The following BCL9L variants were observed in gnomAD, a reference collection of about 807,000 sequenced individuals.
BCL9L encodes B-cell CLL/lymphoma 9-like protein.
Under a neutral mutation model 99.4 loss-of-function variants are expected in BCL9L, and 19 were observed. The observed-to-expected ratio is 0.19, with a 90% CI of 0.13 to 0.28. BCL9L has a LOEUF of 0.28. Ranked by LOEUF, BCL9L falls within the 10% of genes least tolerant of loss-of-function variation. BCL9L has a pLI of 1.00. For missense variants in BCL9L, 2,023 were observed against 2,101.6 expected, an observed-to-expected ratio of 0.96 and a Z score of 0.73; for synonymous variants, 900 against 854.8, an observed-to-expected ratio of 1.05 and a Z score of -0.92.
In BCL9L at chr11:118,903,038, G is replaced by C; in HGVS notation, c.786C>G (p.Ser262=). ...CGTTCTGCTGGTGGTAGGCGAGGAT[G>C]GAGTCGGCCCGGCCCTGCAGCACTG... ...AEAVLQGRAD[S]ILAYHQQNVP... is the part of the protein sequence containing the mutation. The change falls in exon 7 of 10, where the codon TCC becomes TCG. Residue 262 remains serine (S), a synonymous_variant. Coordinates refer to ENST00000683865, the MANE Select transcript of BCL9L (RefSeq NM_001378213.1). The surrounding 1 kb of genome is among the most constrained non-coding windows in gnomAD (Gnocchi z 5.6). The C allele has an allele frequency of 6.3e-7, 1 of 1,592,872 alleles. No homozygotes were observed. Among genetic ancestry groups the C allele is most frequent in the Non-Finnish European group, 8.5e-7 (1 of 1,173,848 alleles).
rs749957297 is a variant in BCL9L at position 118,899,080 on chromosome 11, G to A, written c.3835C>T (p.His1279Tyr). The A allele has an allele frequency of 1.9e-6, 3 of 1,605,130 alleles. 1 individual carries two copies. In the South Asian group the frequency reaches 3.3e-5, roughly 18 times the overall value. Residue 1279 changes from histidine (H) to tyrosine (Y), a missense_variant, in exon 10 of 10, where the codon CAC becomes TAC. Transcript: ENST00000683865. ...QPPGPMPPQQ[H>Y]LMGKAMAGRM... The stretch of plus-strand genomic sequence containing the variant: ...CCAGCCATGGCTTTGCCCATCAGGT[G>A]CTGCTGGGGAGGCATGGGGCCTGGC...
In BCL9L at chr11:118,897,846, G is replaced by A. The variant is rs557536380; in HGVS notation, c.*569C>T. The A allele has an allele frequency of 2.6e-5, 12 of 456,704 alleles. No individual in the cohort carries two copies. Among genetic ancestry groups the A allele is most frequent in the East Asian group, 6.9e-5 (1 of 14,402 alleles). 28.3% of individuals were successfully genotyped at this position (456,704 alleles called of 1,614,324 possible). A position where few individuals can be genotyped will look rare whatever the true frequency, so the allele number is the denominator to read the frequency against. ...AGCGCAGCGCTCTATTTACAGCTCC[G>A]GCTGGCACCTGCCCACCTGGCCAGC... On this transcript the variant is annotated 3_prime_UTR_variant, in exon 10 of 10. Transcript: ENST00000683865.
chr11:118,900,279 G>C lies in BCL9L; in HGVS notation c.3125-81C>G. ...TTGGCTGTGGATATGGGGAGGTTTA[G>C]GAAGCGGTCAGTTCCCCAAATCACC... is the stretch of plus-strand genomic sequence containing the variant. On this transcript the variant is annotated intron_variant, in intron 8 of 9. Coordinates refer to ENST00000683865, the MANE Select transcript of BCL9L (RefSeq NM_001378213.1). This position sits in a 1 kb window ranked among gnomAD's most constrained non-coding sequence, Gnocchi z 5.3. The C allele has an allele frequency of 7.1e-7, 1 of 1,409,014 alleles. No individual in the cohort carries two copies. The highest frequency in any genetic ancestry group is 9.4e-7 in the Non-Finnish European group (1 of 1,059,124). The allele number at this position is 1,409,014 out of a possible 1,614,324, so 87.3% of individuals were successfully genotyped here.
rs199751912 is a variant in BCL9L, at chr11:118,900,666, G to A, written c.3077C>T (p.Pro1026Leu). The A allele has an allele frequency of 3.9e-5, 63 of 1,613,062 alleles. No homozygotes were observed. The highest frequency in any genetic ancestry group is 2.5e-4 in the East Asian group (11 of 44,822). Residue 1026 changes from proline (P) to leucine (L), a missense_variant, in exon 8 of 10, where the codon CCG (proline) becomes CTG (leucine). Transcript: ENST00000683865. The surrounding 1 kb of genome is among the most constrained non-coding windows in gnomAD (Gnocchi z 5.3). ...PSPGVSQNKQPPLNMNSSTTL... is the reference protein window; with the variant it reads ...PSPGVSQNKQLPLNMNSSTTL... The stretch of plus-strand genomic sequence containing the variant: ...GGTGGAAGAGTTCATGTTGAGAGGC[G>A]GCTGCTTGTTCTGGGAGACCCCCGG...
At chr11:118,908,200 G>C in intron 4 of BCL9L, 70 bp downstream of exon 4, 1 of 1,500,150 alleles carries the variant, frequency 6.7e-7, no homozygotes, top group Non-Finnish European at 8.9e-7. Context: ...GCAGAGAGGT[G>C]ATCTCCCAGA....
rs1940889578 is a variant in BCL9L, at chr11:118,914,015, G to A, written c.-76-4000C>T. On this transcript the variant is annotated intron_variant, in intron 2 of 9. Coordinates refer to ENST00000683865, the MANE Select transcript of BCL9L (RefSeq NM_001378213.1). The surrounding 1 kb of genome is among the most constrained non-coding windows in gnomAD (Gnocchi z 4.4). ...TCTGGTCTCTGCCCGCCGCCCCACT[G>A]GTACTTCCTGTCCCCTGGCACCTGC... is the stretch of plus-strand genomic sequence containing the variant. Among the ~76,000 whole-genome samples the A allele has an allele frequency of 1.3e-5, 2 of 152,144 alleles. No individual in the cohort carries two copies. Among genetic ancestry groups the A allele is most frequent in the South Asian group, 2.1e-4 (1 of 4,832 alleles).
chr11:118,907,947 C>A (rs1032789654), intron 4 of BCL9L, among the ~76,000 whole-genome samples: 2 of 152,188 alleles, frequency 1.3e-5, no homozygotes, highest in Non-Finnish European at 2.9e-5. Flanking sequence ...GATACGGAGG[C>A]TCCTGGAAGT....
Position 118,908,295 on chromosome 11 carries a change from G to A in BCL9L, c.387C>T (p.Thr129=), listed in dbSNP as rs750121074. The change falls in exon 4 of 10, where the codon ACC becomes ACT. Residue 129 remains threonine (T), a synonymous_variant. Coordinates refer to ENST00000683865, the MANE Select transcript of BCL9L (RefSeq NM_001378213.1). The part of the protein sequence containing the change: ...VDSGEQREAG[T]PSLDSEAKEV... ...CTTTGGCCTCTGAATCCAGGGATGG[G>A]GTCCCAGCCTCTCGCTGCTCTCCAG... The A allele has an allele frequency of 1.9e-6, 3 of 1,563,218 alleles. No individual in the cohort carries two copies. Among genetic ancestry groups the A allele is most frequent in the Non-Finnish European group, 8.7e-7 (1 of 1,152,684 alleles).
chr11:118,913,527 A>G (rs1262763269), intron 2 of BCL9L, among the ~76,000 whole-genome samples: 2 of 152,150 alleles, frequency 1.3e-5, no homozygotes, highest in Admixed American at 6.5e-5. Context: ...CCCCAAAGAC[A>G]GCTACCCAAT....
chr11:118,905,128 C>G (rs1310498753), intron 5 of BCL9L, among the ~76,000 whole-genome samples: 1 of 152,132 alleles, frequency 6.6e-6, no homozygotes, highest in Non-Finnish European at 1.5e-5. Flanking sequence ...CAGAAATAAC[C>G]TGGGTTGCAA....
rs1330310155 is a variant in BCL9L at position 118,921,083 on chromosome 11, A to G, written c.-130-2204T>C. Among the ~76,000 whole-genome samples, 1 of 152,198 alleles carries G rather than the reference A, an allele frequency of 6.6e-6. No individual in the cohort carries two copies. The highest frequency in any genetic ancestry group is 1.5e-5 in the Non-Finnish European group (1 of 68,034). On this transcript the variant is annotated intron_variant, in intron 1 of 9. Transcript: ENST00000683865. This position sits in a 1 kb window ranked among gnomAD's most constrained non-coding sequence, Gnocchi z 5.4. ...ACACAACTCCCAAAGATGCACATCC[A>G]AAGACGTTTCCTAAAAAGCACTCCA...
chr11:118,898,304 A>AACCCCCCCCCCCC lies in BCL9L; in HGVS notation c.*110_*111insGGGGGGGGGGGGT. 1 of 193,448 alleles carries AACCCCCCCCCCCC rather than the reference A, an allele frequency of 5.2e-6. No homozygotes were observed. Among genetic ancestry groups the AACCCCCCCCCCCC allele is most frequent in the East Asian group, 1.7e-4 (1 of 5,918 alleles). 12.0% of individuals were successfully genotyped at this position (193,448 alleles called of 1,614,324 possible). On this transcript the variant is annotated 3_prime_UTR_variant, in exon 10 of 10. Transcript: ENST00000683865. ...CCACTCCCTACACAAGCCCCCTCCC[A>AACCCCCCCCCCCC]CCCCCTCCACCCCACCCCGCGACCC... is the stretch of plus-strand genomic sequence containing the variant.
chr11:118,902,179 T>C lies in BCL9L; in HGVS notation c.1564A>G (p.Lys522Glu). Residue 522 changes from lysine to glutamate, a missense_variant, in exon 8 of 10, where the codon AAG becomes GAG. Around this residue, in one of 3 missense-constraint regions of BCL9L, gnomAD observed 1,116 missense variants for 1,194.6 expected, o/e 0.93. Transcript: ENST00000683865. The surrounding 1 kb of genome is among the most constrained non-coding windows in gnomAD (Gnocchi z 7.8). ...SLTPEQVAWR[K>E]LQEEYYEEKR... ...TCTTCGTAGTACTCCTCCTGCAGCT[T>C]GCGCCAGGCCACCTGCTCAGGCGTG... 6.2e-7 allele frequency: 1 copy of C among 1,614,140 alleles called. No homozygotes were observed.
At chr11:118,904,637 C>G (rs1940432452) in intron 5 of BCL9L, among the ~76,000 whole-genome samples, 1 of 152,118 alleles carries the variant, frequency 6.6e-6, no homozygotes, top group Admixed American at 6.5e-5. Context: ...CATTCGCATG[C>G]CAAGAAAAGC....
chr11:118,918,958 C>G (rs892637921), intron 1 of BCL9L, 79 bp from the exon 2 acceptor site: 21 of 152,132 alleles, frequency 1.4e-4, no homozygotes, highest in African/African-American at 4.6e-4. Flanking sequence ...CAGCACCCCC[C>G]ACGAACACAC....
Position 118,902,264 on chromosome 11 carries a change from C to T in BCL9L, c.1479G>A (p.Pro493=), listed in dbSNP as rs200197563. The T allele has an allele frequency of 3.0e-5, 48 of 1,598,322 alleles. 1 individual carries two copies. The highest frequency in any genetic ancestry group is 3.3e-4 in the Middle Eastern group (2 of 6,008). The stretch of plus-strand genomic sequence containing the variant: ...TCATCTGCTGCCCCATGTCCCCACC[C>T]GGGGGGTGCCCAGGCACTTCATGCT... ...PLEHEVPGHP[P]GGDMGQQMNM... The change falls in exon 8 of 10, where the codon CCG becomes CCA. Residue 493 remains proline (P), a synonymous_variant. Coordinates refer to ENST00000683865, the MANE Select transcript of BCL9L (RefSeq NM_001378213.1). The surrounding 1 kb of genome is among the most constrained non-coding windows in gnomAD (Gnocchi z 7.8).
chr11:118,898,942 C>G lies in BCL9L; in HGVS notation c.3973G>C (p.Asp1325His). The G allele has an allele frequency of 1.2e-6, 2 of 1,612,296 alleles. No individual in the cohort carries two copies. Among genetic ancestry groups the G allele is most frequent in the Non-Finnish European group, 1.7e-6 (2 of 1,178,728 alleles). ...RPTPTGIPEF[D>H]LSRIIPSEKP... ...TCAGAGGGGATGATCCTCGACAAGT[C>G]GAACTCGGGGATCCCCGTTGGGGTG... The change falls in exon 10 of 10, where the codon GAC becomes CAC. Residue 1325 changes from aspartate (D) to histidine (H), a missense_variant. Physicochemically the swap from Asp to His is moderately conservative, Grantham distance 81. Around this residue, in one of 3 missense-constraint regions of BCL9L, gnomAD observed 902 missense variants for 888.2 expected, o/e 1.02. Transcript: ENST00000683865.
At chr11:118,905,803 G>A (rs1240065428) in intron 5 of BCL9L, among the ~76,000 whole-genome samples, 1 of 151,254 alleles carries the variant, frequency 6.6e-6, no homozygotes, top group Admixed American at 6.6e-5. Context: ...GGCAACAAGA[G>A]TGAAACTCCG....
chr11:118,907,337 G>A, intron 5 of BCL9L, 146 bp downstream of exon 5: 1 of 1,384,254 alleles, frequency 7.2e-7, no homozygotes, highest in Admixed American at 1.8e-5. Flanking sequence ...CAGTTGCAGT[G>A]TAGGGAGGGA....
Sources: gnomAD v4.1 joint callset for allele counts (sites outside exome capture counted in the v4.1 genomes callset) on GRCh38, gnomAD v4.1.1 for gene constraint, gnomAD v4.1.1 regional missense constraint, Gnocchi (gnomAD v3.1) non-coding constraint, MANE v1.5 for transcripts, NCBI Gene and HGNC (gene_info 2026-07-23, HGNC 2026-07-21) for gene names.